Variants in MED27 observed in about 807,000 individuals in gnomAD.
MED27 encodes mediator of RNA polymerase II transcription subunit 27.
Under a neutral mutation model 38.2 loss-of-function variants are expected in MED27, and 30 were observed. The ratio of observed to expected loss-of-function variants is 0.79; its 90% confidence interval spans 0.59 to 1.07. The LOEUF is 1.07. Ranked by LOEUF, MED27 falls within the 50% of genes least tolerant of loss-of-function variation. The pLI is 0.00. For missense variants in MED27, 289 were observed against 397.5 expected (o/e 0.73, Z 2.32); for synonymous variants, 122 against 153.5 (o/e 0.79, Z 1.52).
At chr9:132,071,606 G>A (rs533812756) in intron 2 of MED27, among the ~76,000 whole-genome samples, 16 of 149,962 alleles carry the variant, frequency 1.1e-4, no homozygotes, top group South Asian at 4.3e-4. Context: ...CCCCATGAAC[G>A]AGCACATGCA....
intron 4 of MED27, among the ~76,000 whole-genome samples, chr9:131,916,352 A>C (rs528369222): frequency 6.6e-6 from 1 of 152,270 alleles, no homozygotes; most frequent in Admixed American, 6.5e-5. Flanking sequence ...AATTTGAATC[A>C]GGACAACCCG....
chr9:131,916,885 C>T (rs1231790220), intron 4 of MED27, among the ~76,000 whole-genome samples: 1 of 152,168 alleles, frequency 6.6e-6, no homozygotes, highest in Non-Finnish European at 1.5e-5. Flanking sequence ...CCCTTCAATA[C>T]AGGCATAAAT....
chr9:131,894,019 T>C (rs1219068478), intron 4 of MED27, 27 bp from the exon 5 acceptor site: 5 of 1,577,700 alleles, frequency 3.2e-6, no homozygotes, highest in Non-Finnish European at 3.5e-6. Context: ...AAGCTGACAC[T>C]TGAACACGCA....
intron 3 of MED27, among the ~76,000 whole-genome samples, chr9:131,969,592 A>G (rs538053615): frequency 4.8e-4 from 73 of 152,286 alleles, no homozygotes; most frequent in African/African-American, 1.6e-3. Flanking sequence ...TGTGCCCATC[A>G]TTTATACTAG....
intron 2 of MED27, among the ~76,000 whole-genome samples, chr9:132,038,486 C>T (rs1008326851): frequency 4.6e-5 from 7 of 150,594 alleles, no homozygotes; most frequent in Admixed American, 1.3e-4. Flanking sequence ...GCCACCGCGC[C>T]CGGCCGCCAG....
chr9:132,072,245 G>A (rs1352865262), intron 2 of MED27, among the ~76,000 whole-genome samples: 14 of 151,704 alleles, frequency 9.2e-5, no homozygotes, highest in Admixed American at 9.2e-4. Flanking sequence ...GACATTTGAT[G>A]TGCATTATCT....
chr9:131,908,844 C>T (rs528375046), intron 4 of MED27, among the ~76,000 whole-genome samples: 2 of 151,586 alleles, frequency 1.3e-5, no homozygotes, highest in South Asian at 4.2e-4. Flanking sequence ...CCAAATCCCC[C>T]TCTGCGAGAA....
At chr9:131,911,982 A>AC (rs1185102594) in intron 4 of MED27, among the ~76,000 whole-genome samples, 2 of 152,184 alleles carry the variant, frequency 1.3e-5, no homozygotes, top group African/African-American at 4.8e-5. Context: ...AGCCAGTGGT[A>AC]CCTCTGCCTT....
At chr9:131,953,818 C>CT (rs35830214) in intron 3 of MED27, among the ~76,000 whole-genome samples, 191 of 135,294 alleles carry the variant, frequency 1.4e-3, no homozygotes, top group African/African-American at 2.5e-3. Context: ...ACTTTTATAT[C>CT]TTTTTTTTTT....
chr9:131,899,784 G>A (rs559813811), intron 4 of MED27, among the ~76,000 whole-genome samples: 46 of 152,298 alleles, frequency 3.0e-4, no homozygotes, highest in African/African-American at 1.1e-3. Context: ...CGATTCTCAT[G>A]TGTCTGGCAT....
At chr9:131,967,681 T>C (rs1413612252) in intron 3 of MED27, among the ~76,000 whole-genome samples, 1 of 150,110 alleles carries the variant, frequency 6.7e-6, no homozygotes, top group Non-Finnish European at 1.5e-5. Flanking sequence ...TTTTTTTTTT[T>C]AGTAGAGACG....
intron 4 of MED27, among the ~76,000 whole-genome samples, chr9:131,934,090 T>C (rs1210752165): frequency 6.6e-6 from 1 of 152,208 alleles, no homozygotes; most frequent in African/African-American, 2.4e-5. Flanking sequence ...AGAATGAAAG[T>C]AGATCACTGT....
chr9:131,955,562 A>G (rs1268885476), intron 3 of MED27, among the ~76,000 whole-genome samples: 1 of 152,222 alleles, frequency 6.6e-6, no homozygotes, highest in Non-Finnish European at 1.5e-5. Flanking sequence ...AATATCAGGA[A>G]TGAATGATGA....
At chr9:131,986,779 G>A (rs948290866) in intron 3 of MED27, among the ~76,000 whole-genome samples, 1 of 152,128 alleles carries the variant, frequency 6.6e-6, no homozygotes, top group African/African-American at 2.4e-5. Flanking sequence ...GGCCTTGGCT[G>A]TTTATTTAAA....
intron 2 of MED27, among the ~76,000 whole-genome samples, chr9:132,018,259 T>C (rs775844943): frequency 8.5e-5 from 13 of 152,256 alleles, no homozygotes; most frequent in Admixed American, 2.6e-4. Context: ...ATAGCCAAGG[T>C]CTTTACAGAA....
At chr9:131,904,258 T>C (rs956687076) in intron 4 of MED27, among the ~76,000 whole-genome samples, 1 of 151,980 alleles carries the variant, frequency 6.6e-6, no homozygotes, top group African/African-American at 2.4e-5. Context: ...AGGCTGGTCT[T>C]AGACTCCTGG....
intron 4 of MED27, among the ~76,000 whole-genome samples, chr9:131,928,240 A>G (rs941005976): frequency 1.5e-4 from 23 of 152,126 alleles, no homozygotes; most frequent in African/African-American, 5.6e-4. Flanking sequence ...CTGCTCCTCC[A>G]GAGAGGAGTC....
At chr9:131,880,882 A>G (rs772776894) in intron 6 of MED27, among the ~76,000 whole-genome samples, 2 of 152,040 alleles carry the variant, frequency 1.3e-5, no homozygotes, top group Non-Finnish European at 2.9e-5. Flanking sequence ...GCTTGCATTA[A>G]AAAATACTTA....
chr9:132,049,215 C>T (rs540900264), intron 2 of MED27, among the ~76,000 whole-genome samples: 1 of 152,282 alleles, frequency 6.6e-6, no homozygotes, highest in African/African-American at 2.4e-5. Context: ...AAGAAAAACA[C>T]ATCAGAAAAC....
Sources: allele counts gnomAD v4.1 joint callset (sites outside exome capture counted in the v4.1 genomes callset), GRCh38; gene constraint gnomAD v4.1.1; transcripts MANE v1.5; gene names NCBI Gene and HGNC (gene_info 2026-07-23, HGNC 2026-07-21).